The following GALNT14 variants were observed in gnomAD, a reference collection of about 807,000 sequenced individuals.
The protein encoded by GALNT14 is UDP-GalNAc:polypeptide N-acetylgalactosaminyltransferase 14.
Under a neutral mutation model 77.5 loss-of-function variants are expected in GALNT14, and 60 were observed. The observed-to-expected ratio is 0.77, with a 90% confidence interval of 0.63 to 0.96. The LOEUF is 0.96. Ranked by LOEUF, GALNT14 falls within the 40% of genes least tolerant of loss-of-function variation. GALNT14 has a pLI of 0.00. For synonymous variants in GALNT14, 280 were observed against 281.7 expected, an observed-to-expected ratio of 0.99 and a Z score of 0.06; for missense variants, 710 against 731.0, an observed-to-expected ratio of 0.97 and a Z score of 0.33.
At chr2:30,890,071 G>C in the GALNT14 span, among the ~76,000 whole-genome samples, 6 of 152,132 alleles carry the variant, frequency 3.9e-5, no homozygotes, top group Admixed American at 2.0e-4. Flanking sequence ...CTGCCTTTCA[G>C]ACAACTCTCC....
intron 1 of GALNT14, among the ~76,000 whole-genome samples, chr2:31,034,771 T>C (rs1672609421): frequency 6.6e-6 from 1 of 152,234 alleles, no homozygotes; most frequent in Non-Finnish European, 1.5e-5. Context: ...TAGCTGCATC[T>C]CATAAATTTG....
intron 8 of GALNT14, among the ~76,000 whole-genome samples, chr2:30,942,595 G>A (rs777790278): frequency 6.6e-6 from 1 of 152,112 alleles, no homozygotes; most frequent in East Asian, 1.9e-4. Context: ...GGGGACACAG[G>A]GCTCACTCAG....
chr2:30,936,158 G>A (rs909262058), intron 9 of GALNT14, among the ~76,000 whole-genome samples: 1 of 152,020 alleles, frequency 6.6e-6, no homozygotes, highest in Non-Finnish European at 1.5e-5. Context: ...ATTTGAGAGC[G>A]AATTGCCCTC....
At chr2:30,903,880 G>C in the GALNT14 span, among the ~76,000 whole-genome samples, 1 of 152,176 alleles carries the variant, frequency 6.6e-6, no homozygotes, top group African/African-American at 2.4e-5. Flanking sequence ...ACTTCATATG[G>C]ATTGGTTCTT....
In GALNT14 at chr2:30,977,092, C is replaced by CTTTTTTTTTT. The variant is rs11314175; in HGVS notation, c.300-10800_300-10791dup. Among the ~76,000 whole-genome samples the CTTTTTTTTTT allele has an allele frequency of 8.2e-3, 1,111 of 134,988 alleles. 76 individuals carry two copies. The highest frequency in any genetic ancestry group is 0.032 in the African/African-American group (1,048 of 32,492). 88.6% of individuals were successfully genotyped at this position (134,988 alleles called of 152,430 possible). A position where few individuals can be genotyped will look rare whatever the true frequency, so the allele number is the denominator to read the frequency against. On this transcript the variant is annotated intron_variant, in intron 2 of 14. Transcript: ENST00000349752. The stretch of plus-strand genomic sequence containing the variant: ...CTTTATTCCATATTGGCTTTTCTGT[C>CTTTTTTTTTT]TTTTTTTTTTTTTTTGAGACAGGGT...
chr2:31,035,617 C>CA lies in GALNT14; in HGVS notation c.130-42611_130-42610insT, dbSNP rs1558512364. Among the ~76,000 whole-genome samples the CA allele has an allele frequency of 4.2e-3, 124 of 29,798 alleles. 3 individuals carry two copies. The highest frequency in any genetic ancestry group is 0.02 in the African/African-American group (116 of 5,894). The allele number at this position is 29,798 out of a possible 152,430, so 19.5% of individuals were successfully genotyped here. ...TATACATATACACACACACACACACCTACACACACACACACACACACACAC... is the reference window on the plus strand; with the variant it reads ...TATACATATACACACACACACACACCATACACACACACACACACACACACAC... On this transcript the variant is annotated intron_variant, in intron 1 of 14. Coordinates refer to ENST00000349752, the MANE Select transcript of GALNT14 (RefSeq NM_024572.4).
At chr2:30,957,205 C>T (rs527546197) in intron 4 of GALNT14, among the ~76,000 whole-genome samples, 8 of 152,178 alleles carry the variant, frequency 5.3e-5, no homozygotes, top group Non-Finnish European at 1.2e-4. Flanking sequence ...GGGCTAGGTA[C>T]TGTTCTAAGC....
intron 1 of GALNT14, among the ~76,000 whole-genome samples, chr2:31,048,934 A>G (rs1488986556): frequency 1.3e-5 from 2 of 152,124 alleles, no homozygotes; most frequent in African/African-American, 4.8e-5. Context: ...GGTGCCCGTC[A>G]CTGGCCAAAT....
chr2:30,966,278 C>G lies in GALNT14; in HGVS notation c.324G>C (p.Thr108=). ...TGATGATGCTAGTGGGTGGAAGGTCCGTGCAATACACCAGCAGTGTGCATC... is the reference window on the plus strand; with the variant it reads ...TGATGATGCTAGTGGGTGGAAGGTCGGTGCAATACACCAGCAGTGTGCATC... ...HLRCTLLVYC[T]DLPPTSIIIT... Residue 108 remains threonine (T), a synonymous_variant, in exon 3 of 15, where the codon ACG becomes ACC. Coordinates refer to ENST00000349752, the MANE Select transcript of GALNT14 (RefSeq NM_024572.4). 1 of 1,613,780 alleles carries G rather than the reference C, an allele frequency of 6.2e-7. No individual in the cohort carries two copies. The highest frequency in any genetic ancestry group is 8.5e-7 in the Non-Finnish European group (1 of 1,179,800).
intron 9 of GALNT14, among the ~76,000 whole-genome samples, chr2:30,933,357 G>C (rs1447079842): frequency 4.6e-5 from 7 of 152,292 alleles, no homozygotes; most frequent in Middle Eastern, 3.4e-3. Context: ...CTGCCCATGT[G>C]AGGAGCCATG....
At chr2:31,115,372 T>A (rs1322619907) in intron 1 of GALNT14, among the ~76,000 whole-genome samples, 1 of 151,852 alleles carries the variant, frequency 6.6e-6, no homozygotes, top group Non-Finnish European at 1.5e-5. Context: ...GATACAAGAG[T>A]TCATAGAAAA....
chr2:31,057,450 G>GTA lies in GALNT14; in HGVS notation c.130-64445_130-64444dup, dbSNP rs150471338. Among the ~76,000 whole-genome samples, 1,286 of 139,850 alleles carry GTA rather than the reference G, an allele frequency of 9.2e-3. 8 individuals carry two copies. Among genetic ancestry groups the GTA allele is most frequent in the African/African-American group, 0.015 (567 of 38,106 alleles). The allele number at this position is 139,850 out of a possible 152,430, so 91.7% of individuals were successfully genotyped here. A position where few individuals can be genotyped will look rare whatever the true frequency, so the allele number is the denominator to read the frequency against. On this transcript the variant is annotated intron_variant, in intron 1 of 14. Coordinates refer to ENST00000349752, the MANE Select transcript of GALNT14 (RefSeq NM_024572.4). Reference sequence around the variant, plus strand: ...ATACACACACACACGGCTGTTGCAGGTATATATATATATATACCTTGTGTA... The same window carrying GTA: ...ATACACACACACACGGCTGTTGCAGGTATATATATATATATATACCTTGTGTA...
At chr2:30,954,295 T>C (rs1344944737) in intron 6 of GALNT14, among the ~76,000 whole-genome samples, 1 of 152,206 alleles carries the variant, frequency 6.6e-6, no homozygotes, top group African/African-American at 2.4e-5. Flanking sequence ...CCCTTCAACA[T>C]TTCCCAATCC....
At chr2:31,125,469 ACC>A (rs4020219) in intron 1 of GALNT14, among the ~76,000 whole-genome samples, 109,797 of 151,748 alleles carry the variant, frequency 0.72, 39,949 homozygotes, top group East Asian at 0.91. Flanking sequence ...CAGCTTTCTC[ACC>A]CCCCATTCTT....
chr2:31,071,404 T>C (rs1675355246), intron 1 of GALNT14, among the ~76,000 whole-genome samples: 1 of 152,174 alleles, frequency 6.6e-6, no homozygotes, highest in African/African-American at 2.4e-5. Flanking sequence ...GGAGAGCCAG[T>C]GACTTTGAGG....
chr2:31,113,019 A>C (rs1451667686), intron 1 of GALNT14, among the ~76,000 whole-genome samples: 1 of 152,222 alleles, frequency 6.6e-6, no homozygotes, highest in Admixed American at 6.5e-5. Context: ...TTTCAAACTA[A>C]CACTGAAACC....
chr2:30,907,272 C>G (rs148528501), downstream of GALNT14, among the ~76,000 whole-genome samples: 714 of 152,188 alleles, frequency 4.7e-3, 3 homozygotes, highest in African/African-American at 0.017. Context: ...ATTCCAGGAG[C>G]TGGTTTTTTG....
downstream of GALNT14, among the ~76,000 whole-genome samples, chr2:30,910,173 C>T (rs1459663651): frequency 6.6e-6 from 1 of 151,396 alleles, no homozygotes; most frequent in South Asian, 2.1e-4. Flanking sequence ...AACTAACCTG[C>T]ACAATGTGCA....
In GALNT14 at chr2:30,922,095, G is replaced by A. The variant is rs530741556; in HGVS notation, c.1380+2024C>T. Among the ~76,000 whole-genome samples, 12 of 152,304 alleles carry A rather than the reference G, an allele frequency of 7.9e-5. No individual in the cohort carries two copies. In the South Asian group the frequency reaches 2.1e-3, roughly 26 times the overall value. On this transcript the variant is annotated intron_variant, in intron 13 of 14. Coordinates refer to ENST00000349752, the MANE Select transcript of GALNT14 (RefSeq NM_024572.4). ...TGGAACTGAGGGTCATGGGAGAAGG[G>A]GGTCACATGGAGAGAGCTAGTGGGA...
Sources: gnomAD v4.1 joint callset for allele counts (sites outside exome capture counted in the v4.1 genomes callset) on GRCh38, gnomAD v4.1.1 for gene constraint, MANE v1.5 for transcripts, NCBI Gene and HGNC (gene_info 2026-07-23, HGNC 2026-07-21) for gene names.